The following MNAT1 variants were observed in gnomAD, a reference collection of about 807,000 sequenced individuals.
MNAT1 encodes MNAT1 component of CDK activating kinase, also known as CDK-activating kinase assembly factor MAT1.
MNAT1 carries 43 observed loss-of-function variants against 42.0 expected under a neutral mutation model. That is an observed-to-expected ratio of 1.02 (90% CI 0.80 to 1.32). The LOEUF (loss-of-function observed/expected upper bound fraction) is 1.32. MNAT1 is among the 40% of genes most tolerant of loss of function. The pLI is 0.00. For missense variants in MNAT1, 306 were observed against 350.4 expected, an observed-to-expected ratio of 0.87 and a Z score of 1.01; for synonymous variants, 118 against 120.0, an observed-to-expected ratio of 0.98 and a Z score of 0.11.
intron 1 of MNAT1, among the ~76,000 whole-genome samples, chr14:60,779,806 G>GA (rs999484259): frequency 8.1e-5 from 12 of 148,202 alleles, no homozygotes; most frequent in South Asian, 2.2e-4. Context: ...AAGAAAAAAA[G>GA]AAAAAAAAAA....
chr14:60,797,693 C>T (rs955309046), intron 2 of MNAT1, among the ~76,000 whole-genome samples: 15 of 152,132 alleles, frequency 9.9e-5, no homozygotes, highest in Admixed American at 3.3e-4. Context: ...TTTGGGAGGC[C>T]GAGGTGGTGG....
intron 1 of MNAT1, among the ~76,000 whole-genome samples, chr14:60,759,440 A>G (rs1007204773): frequency 2.6e-5 from 4 of 152,236 alleles, no homozygotes; most frequent in African/African-American, 4.8e-5. Flanking sequence ...AGTTGCCAAC[A>G]TGTAAAAATG....
At chr14:60,868,439 C>G (rs955244088) in intron 6 of MNAT1, among the ~76,000 whole-genome samples, 2 of 152,156 alleles carry the variant, frequency 1.3e-5, no homozygotes, top group Non-Finnish European at 2.9e-5. Context: ...TCTGATTCCA[C>G]TTAGTAAGGT....
At chr14:60,780,686 G>T (rs2031426783) in intron 1 of MNAT1, 8 of 827,444 alleles carry the variant, frequency 9.7e-6, no homozygotes, top group Admixed American at 4.8e-5. Context: ...TATTTCATTG[G>T]TTAATTTATA....
chr14:60,768,522 T>C (rs2030925940), intron 1 of MNAT1, among the ~76,000 whole-genome samples: 2 of 152,178 alleles, frequency 1.3e-5, no homozygotes, highest in East Asian at 1.9e-4. Context: ...TCAGGTAATA[T>C]CAAAATCTTT....
intron 7 of MNAT1, among the ~76,000 whole-genome samples, chr14:60,921,462 G>C (rs1227203374): frequency 1.3e-5 from 2 of 151,950 alleles, no homozygotes; most frequent in Non-Finnish European, 2.9e-5. Flanking sequence ...GCCATAAGTG[G>C]TCTCTGTTCT....
intron 4 of MNAT1, among the ~76,000 whole-genome samples, chr14:60,810,874 A>G (rs2032521085): frequency 6.6e-6 from 1 of 152,166 alleles, no homozygotes; most frequent in African/African-American, 2.4e-5. Flanking sequence ...TAACAGAAAT[A>G]TACAGAATTA....
intron 6 of MNAT1, among the ~76,000 whole-genome samples, chr14:60,876,192 C>G (rs1248503639): frequency 2.0e-5 from 3 of 152,002 alleles, no homozygotes; most frequent in Non-Finnish European, 4.4e-5. Context: ...CTATGCAATG[C>G]TCTCTGAATC....
intron 1 of MNAT1, among the ~76,000 whole-genome samples, chr14:60,767,876 G>A (rs1241275705): frequency 6.6e-6 from 1 of 152,126 alleles, no homozygotes; most frequent in African/African-American, 2.4e-5. Context: ...TGATTCCCTT[G>A]CCTCAGCCTC....
intron 5 of MNAT1, among the ~76,000 whole-genome samples, chr14:60,814,387 C>T (rs891648011): frequency 1.3e-5 from 2 of 152,032 alleles, no homozygotes; most frequent in African/African-American, 4.8e-5. Context: ...GATGACTTCA[C>T]AAACCGGAAA....
intron 6 of MNAT1, among the ~76,000 whole-genome samples, chr14:60,855,952 C>T (rs1381642321): frequency 1.3e-5 from 2 of 152,182 alleles, no homozygotes; most frequent in African/African-American, 4.8e-5. Context: ...TCCTTCTCCT[C>T]AGGCCTCCCT....
At position 60,899,771 on chromosome 14, in the gene MNAT1, T is replaced by A. The variant is rs540814591; in HGVS notation, c.809+19936T>A. On this transcript the variant is annotated intron_variant, in intron 7 of 7. Coordinates refer to ENST00000261245, the MANE Select transcript of MNAT1 (RefSeq NM_002431.4). The stretch of plus-strand genomic sequence containing the variant: ...ACAAAAATACAGGTGTACCTCATTT[T>A]ATTGCATTTCGTTTTATTACTTTTT... 2.0e-5 allele frequency among the ~76,000 whole-genome samples: 3 copies of A among 152,340 alleles called. No homozygotes were observed. In the South Asian group the frequency reaches 6.2e-4, roughly 32 times the overall value.
intron 6 of MNAT1, among the ~76,000 whole-genome samples, chr14:60,856,824 G>T (rs2033970724): frequency 6.6e-6 from 1 of 151,934 alleles, no homozygotes; most frequent in Non-Finnish European, 1.5e-5. Flanking sequence ...GGGACTACAG[G>T]CGCTCACCAC....
At position 60,807,489 on chromosome 14, in the gene MNAT1, G is replaced by T. The variant is rs142520923; in HGVS notation, c.317-836G>T. Among the ~76,000 whole-genome samples the T allele has an allele frequency of 4.4e-3, 667 of 152,262 alleles. 9 individuals carry two copies. The highest frequency in any genetic ancestry group is 0.014 in the African/African-American group (594 of 41,554). ...AGAAAGATTACAAGGGAAGCTAAAGGAGGCTTGAATTGAATTATGGAACAG... is the reference window on the plus strand; with the variant it reads ...AGAAAGATTACAAGGGAAGCTAAAGTAGGCTTGAATTGAATTATGGAACAG... On this transcript the variant is annotated intron_variant, in intron 3 of 7. Coordinates refer to ENST00000261245, the MANE Select transcript of MNAT1 (RefSeq NM_002431.4).
At chr14:60,871,717 G>A (rs1051021714) in intron 6 of MNAT1, among the ~76,000 whole-genome samples, 20 of 152,000 alleles carry the variant, frequency 1.3e-4, no homozygotes, top group Middle Eastern at 3.4e-3. Flanking sequence ...CTGTCTCCCA[G>A]GTTCAAGCAA....
At chr14:60,745,580 C>G (rs1448149183) in intron 1 of MNAT1, among the ~76,000 whole-genome samples, 1 of 152,104 alleles carries the variant, frequency 6.6e-6, no homozygotes, top group East Asian at 1.9e-4. Context: ...CCACGCCTGG[C>G]TAATTTTTGT....
intron 6 of MNAT1, among the ~76,000 whole-genome samples, chr14:60,867,300 A>T (rs925869266): frequency 2.6e-5 from 4 of 152,062 alleles, no homozygotes; most frequent in African/African-American, 9.7e-5. Context: ...TTTTATTTTG[A>T]AGAAGCCAGT....
chr14:60,930,886 A>G (rs1157266895), intron 7 of MNAT1, among the ~76,000 whole-genome samples: 3 of 152,172 alleles, frequency 2.0e-5, no homozygotes. Flanking sequence ...GTGTGTCTTA[A>G]ATCAAGGTTG....
intron 2 of MNAT1, among the ~76,000 whole-genome samples, chr14:60,797,291 T>C (rs2032049908): frequency 6.6e-6 from 1 of 152,180 alleles, no homozygotes; most frequent in Non-Finnish European, 1.5e-5. Flanking sequence ...TCATTGGTAA[T>C]TCCTTGCAAT....
Sources: allele counts gnomAD v4.1 joint callset (sites outside exome capture counted in the v4.1 genomes callset), GRCh38; gene constraint gnomAD v4.1.1; transcripts MANE v1.5; gene names NCBI Gene and HGNC (gene_info 2026-07-23, HGNC 2026-07-21).